The following PRKAR1B variants were observed in gnomAD, a reference collection of about 807,000 sequenced individuals.
PRKAR1B encodes protein kinase cAMP-dependent type I regulatory subunit beta.
PRKAR1B carries 22 observed loss-of-function variants against 46.5 expected under a neutral mutation model. The observed-to-expected ratio is 0.47, with a 90% confidence interval of 0.34 to 0.68. The LOEUF is 0.68. Ranked by LOEUF, PRKAR1B falls within the 30% of genes least tolerant of loss-of-function variation. The probability of loss-of-function intolerance (pLI) is 0.01; values close to 1 mark genes in which losing one functional copy is unlikely to be tolerated. For synonymous variants in PRKAR1B, 259 were observed against 217.7 expected (o/e 1.19, Z -1.67); for missense variants, 445 against 535.6 (o/e 0.83, Z 1.67).
At chr7:574,898 G>A (rs1441752890) in intron 9 of PRKAR1B, among the ~76,000 whole-genome samples, 2 of 152,202 alleles carry the variant, frequency 1.3e-5, no homozygotes, top group African/African-American at 4.8e-5. Flanking sequence ...GTAAAACCTA[G>A]AGCAACTAAA....
intron 4 of PRKAR1B, among the ~76,000 whole-genome samples, chr7:662,213 C>T (rs1256469744): frequency 6.1e-5 from 6 of 97,572 alleles, no homozygotes; most frequent in Non-Finnish European, 1.1e-4. Flanking sequence ...CAGGTCCCCA[C>T]CCCAACGGGT....
chr7:607,304 G>A (rs1260278586), intron 5 of PRKAR1B, 87 bp downstream of exon 5: 12 of 1,331,362 alleles, frequency 9.0e-6, no homozygotes, highest in Admixed American at 7.3e-5. Flanking sequence ...GTGGGCCATC[G>A]TGCCTGCCCT....
At chr7:678,823 C>A (rs1181535356) in intron 3 of PRKAR1B, among the ~76,000 whole-genome samples, 1 of 152,250 alleles carries the variant, frequency 6.6e-6, no homozygotes, top group Non-Finnish European at 1.5e-5. Context: ...TGGTGGCTCA[C>A]ACCTGTAATC....
intron 4 of PRKAR1B, among the ~76,000 whole-genome samples, chr7:624,646 T>C (rs1783287465): frequency 1.3e-5 from 2 of 152,212 alleles, no homozygotes; most frequent in Non-Finnish European, 2.9e-5. Context: ...AAAACAGTGA[T>C]GTGGAGACAC....
chr7:565,759 C>T (rs1176305570), intron 9 of PRKAR1B: 1 of 152,174 alleles, frequency 6.6e-6, no homozygotes, highest in Admixed American at 6.5e-5. Context: ...ACTGGGGTAG[C>T]TCAGGCTCCG....
intron 6 of PRKAR1B, among the ~76,000 whole-genome samples, chr7:597,949 CA>C (rs777600703): frequency 2.0e-5 from 3 of 152,202 alleles, no homozygotes; most frequent in South Asian, 4.1e-4. Context: ...CGGGGCCTCA[CA>C]AACTCCCAGG....
intron 4 of PRKAR1B, among the ~76,000 whole-genome samples, chr7:650,453 G>C (rs576744175): frequency 6.6e-6 from 1 of 152,106 alleles, no homozygotes; most frequent in South Asian, 2.1e-4. Flanking sequence ...CTTCACACCG[G>C]CTGCACCTCC....
At chr7:620,578 C>G (rs1783060023) in intron 4 of PRKAR1B, among the ~76,000 whole-genome samples, 1 of 151,998 alleles carries the variant, frequency 6.6e-6, no homozygotes, top group African/African-American at 2.4e-5. Flanking sequence ...TTTAAATTTT[C>G]TTTAAATTGA....
At chr7:606,461 G>T (rs1484592146) in intron 5 of PRKAR1B, among the ~76,000 whole-genome samples, 1 of 152,128 alleles carries the variant, frequency 6.6e-6, no homozygotes, top group Non-Finnish European at 1.5e-5. Context: ...AACAATGAGA[G>T]GTGTTTTTCT....
chr7:553,218 C>T (rs1360038680), intron 9 of PRKAR1B, among the ~76,000 whole-genome samples: 2 of 152,222 alleles, frequency 1.3e-5, no homozygotes, highest in African/African-American at 4.8e-5. Flanking sequence ...GGAAGACACA[C>T]TAGAGAAGCT....
At chr7:582,669 G>GGGA (rs1284153247) in intron 8 of PRKAR1B, among the ~76,000 whole-genome samples, 1 of 152,246 alleles carries the variant, frequency 6.6e-6, no homozygotes, top group African/African-American at 2.4e-5. Context: ...GCCCGGAGCA[G>GGGA]GGAGAGGGTC....
chr7:662,229 T>C (rs1436414845), intron 4 of PRKAR1B, among the ~76,000 whole-genome samples: 6 of 58,222 alleles, frequency 1.0e-4, no homozygotes, highest in South Asian at 8.7e-4. Context: ...CGGGTCCAAA[T>C]ACCTACTCTC....
intron 4 of PRKAR1B, among the ~76,000 whole-genome samples, chr7:611,887 GTGGA>G (rs1044568881): frequency 1.3e-5 from 2 of 151,140 alleles, no homozygotes; most frequent in Admixed American, 6.6e-5. Context: ...GGACAGGTGG[GTGGA>G]TGAACAGGTG....
intron 9 of PRKAR1B, among the ~76,000 whole-genome samples, chr7:567,435 A>G (rs1779225240): frequency 7.1e-6 from 1 of 140,886 alleles, no homozygotes; most frequent in South Asian, 2.3e-4. Flanking sequence ...CATCACCATC[A>G]TCATCACCAT....
chr7:727,397 C>T, upstream of PRKAR1B: 1 of 786,520 alleles, frequency 1.3e-6, no homozygotes, highest in Non-Finnish European at 1.7e-6. Context: ...CTCACAACCC[C>T]CGCGGCTCGG....
chr7:550,640 G>A, intron 10 of PRKAR1B, 38 bp from the exon 11 acceptor site: 2 of 1,491,368 alleles, frequency 1.3e-6, no homozygotes, highest in Non-Finnish European at 1.8e-6. Flanking sequence ...TGGGCCTGGG[G>A]GTCCTGAGGC....
chr7:589,403 C>T (rs1188136596), intron 7 of PRKAR1B, among the ~76,000 whole-genome samples: 1 of 151,934 alleles, frequency 6.6e-6, no homozygotes, highest in Non-Finnish European at 1.5e-5. Context: ...GCTGACCCAG[C>T]CCTCGTCCTC....
rs932689319 is a variant in PRKAR1B, at chr7:626,200, G to A, written c.441-18748C>T. Among the ~76,000 whole-genome samples, 9 of 152,068 alleles carry A rather than the reference G, an allele frequency of 5.9e-5. No homozygotes were observed. In the East Asian group the frequency reaches 9.7e-4, roughly 16 times the overall value. On this transcript the variant is annotated intron_variant, in intron 4 of 10. Transcript: ENST00000537384. ...TTATTAACCTTTCAAAACAAAAAGC[G>A]TCAAGCCCAGGCTGGGCACAGCAGC...
At chr7:578,593 C>G (rs574309477) in intron 9 of PRKAR1B, among the ~76,000 whole-genome samples, 7 of 152,180 alleles carry the variant, frequency 4.6e-5, no homozygotes, top group Non-Finnish European at 7.3e-5. Flanking sequence ...GGGATGCGGA[C>G]GCGGTGCCAT....
Sources: gnomAD v4.1 joint callset for allele counts (sites outside exome capture counted in the v4.1 genomes callset) on GRCh38, gnomAD v4.1.1 for gene constraint, MANE v1.5 for transcripts, NCBI Gene and HGNC (gene_info 2026-07-23, HGNC 2026-07-21) for gene names.